MICU3: variants seen among roughly 807,000 people sequenced by gnomAD.
MICU3 encodes the protein calcium uptake protein 3, mitochondrial.
In MICU3, 62 loss-of-function variants were observed where a neutral mutation model predicts 66.5. The ratio of observed to expected loss-of-function variants is 0.93; its 90% CI spans 0.76 to 1.15. The LOEUF (loss-of-function observed/expected upper bound fraction) is 1.15, where lower values mean the gene tolerates loss of function less well. MICU3 is among the 50% of genes most tolerant of loss of function. MICU3 has a pLI of 0.00. For synonymous variants in MICU3, 308 were observed against 240.7 expected, an observed-to-expected ratio of 1.28 and a Z score of -2.59; for missense variants, 779 against 664.4, an observed-to-expected ratio of 1.17 and a Z score of -1.90.
At chr8:17,115,772 C>T (rs989470791) in intron 12 of MICU3, among the ~76,000 whole-genome samples, 3 of 152,100 alleles carry the variant, frequency 2.0e-5, no homozygotes, top group Non-Finnish European at 4.4e-5. Flanking sequence ...GTTCTGGTTC[C>T]CTGCCTCAAA....
chr8:17,123,288 A>C (rs1803307806), downstream of MICU3, among the ~76,000 whole-genome samples: 1 of 152,146 alleles, frequency 6.6e-6, no homozygotes, highest in South Asian at 2.1e-4. Flanking sequence ...AAATGGAGGA[A>C]TATACCTATA....
At chr8:17,095,956 C>T (rs1256466247) in intron 8 of MICU3, among the ~76,000 whole-genome samples, 6 of 151,980 alleles carry the variant, frequency 3.9e-5, no homozygotes, top group Non-Finnish European at 7.4e-5. Context: ...AAATGTGTCA[C>T]ACTTACAGGG....
At chr8:17,069,649 G>C (rs751369104) in intron 2 of MICU3, 39 bp from the exon 3 acceptor site, 3 of 1,278,384 alleles carry the variant, frequency 2.3e-6, no homozygotes, top group Non-Finnish European at 3.3e-6. Flanking sequence ...ATTCCATGAA[G>C]TATTTATTAT....
chr8:17,089,796 A>C (rs1316989606), intron 7 of MICU3, among the ~76,000 whole-genome samples: 2 of 152,094 alleles, frequency 1.3e-5, no homozygotes, highest in Non-Finnish European at 2.9e-5. Flanking sequence ...AAATGTAATA[A>C]ACACTCAAAA....
chr8:17,038,197 G>T (rs1445022767), intron 1 of MICU3, among the ~76,000 whole-genome samples: 1 of 152,118 alleles, frequency 6.6e-6, no homozygotes, highest in East Asian at 1.9e-4. Flanking sequence ...GGAATAATAT[G>T]GTTTGGCTGT....
intron 7 of MICU3, among the ~76,000 whole-genome samples, chr8:17,090,071 C>A (rs946157656): frequency 6.6e-6 from 1 of 151,962 alleles, no homozygotes; most frequent in Non-Finnish European, 1.5e-5. Context: ...AAGTATTATA[C>A]CTGCTTGGAG....
intron 3 of MICU3, among the ~76,000 whole-genome samples, chr8:17,073,208 G>C (rs376776751): frequency 6.6e-6 from 1 of 152,198 alleles, no homozygotes; most frequent in Admixed American, 6.5e-5. Context: ...AATGTTTTCA[G>C]ATTTGCCACA....
At chr8:17,133,017 C>T in the MICU3 span, 2 of 152,326 alleles carry the variant, frequency 1.3e-5, no homozygotes, top group East Asian at 3.9e-4. Context: ...AGAAAGCAAG[C>T]CCTCGCCAGG....
At chr8:17,085,442 A>G in intron 6 of MICU3, 124 bp downstream of exon 6, 1 of 548,316 alleles carries the variant, frequency 1.8e-6, no homozygotes, top group South Asian at 3.3e-5. Context: ...TTTTGCCTTT[A>G]CTTAATAAAG....
At chr8:17,135,477 T>C in the MICU3 span, among the ~76,000 whole-genome samples, 1 of 152,062 alleles carries the variant, frequency 6.6e-6, no homozygotes, top group African/African-American at 2.4e-5. Flanking sequence ...TGATTTTATT[T>C]GTTCAGCACT....
Position 17,027,811 on chromosome 8 carries a change from C to G in MICU3, c.381+151C>G, listed in dbSNP as rs1039093560. Reference sequence around the variant, plus strand: ...GAGGCTGACACCTAGGCCGGACAGCCTAGGATCCGGTCACCCACGTATTGG... The same window carrying G: ...GAGGCTGACACCTAGGCCGGACAGCGTAGGATCCGGTCACCCACGTATTGG... On this transcript the variant is annotated intron_variant, in intron 1 of 14. Coordinates refer to ENST00000318063, the MANE Select transcript of MICU3 (RefSeq NM_181723.3). 7.7e-6 allele frequency: 8 copies of G among 1,042,324 alleles called. No individual in the cohort carries two copies. The African/African-American group carries it at 1.3e-4, about 17-fold the overall frequency. 64.6% of individuals were successfully genotyped at this position (1,042,324 alleles called of 1,614,324 possible).
intron 1 of MICU3, among the ~76,000 whole-genome samples, chr8:17,028,126 T>C (rs58491641): frequency 0.04 from 6,107 of 152,122 alleles, 447 homozygotes; most frequent in African/African-American, 0.14. Context: ...AATTTATTAG[T>C]CCCAAGAAAG....
rs1210156287 is a variant in MICU3 at position 17,027,289 on chromosome 8, C to G, written c.10C>G (p.Leu4Val). Reference protein sequence around the residue: MAALRRLLWPPPRV... With the variant: MAAVRRLLWPPPRV... ...GTGGGCGGCCTCCGCTATGGCTGCG[C>G]TGCGAAGGCTCTTGTGGCCGCCACC... The change falls in exon 1 of 15, where the codon CTG becomes GTG. Residue 4 changes from leucine (L) to valine (V), a missense_variant. Physicochemically the swap from Leu to Val is conservative, Grantham distance 32. Transcript: ENST00000318063. 7.7e-7 allele frequency: 1 copy of G among 1,302,736 alleles called. No homozygotes were observed. Among genetic ancestry groups the G allele is most frequent in the Non-Finnish European group, 9.9e-7 (1 of 1,007,074 alleles). The allele number at this position is 1,302,736 out of a possible 1,614,324, so 80.7% of individuals were successfully genotyped here. A position where few individuals can be genotyped will look rare whatever the true frequency, so the allele number is the denominator to read the frequency against.
chr8:17,081,517 G>A (rs1585390470), intron 4 of MICU3, among the ~76,000 whole-genome samples, 176 bp from the exon 5 acceptor site: 2 of 152,000 alleles, frequency 1.3e-5, no homozygotes, highest in East Asian at 1.9e-4. Flanking sequence ...ACAAAGGCAT[G>A]TGGAACAATT....
intron 3 of MICU3, among the ~76,000 whole-genome samples, chr8:17,071,038 A>G (rs1819510015): frequency 6.6e-6 from 1 of 152,212 alleles, no homozygotes; most frequent in South Asian, 2.1e-4. Context: ...AAACTTAGGA[A>G]TTGTTTATTT....
intron 1 of MICU3, among the ~76,000 whole-genome samples, chr8:17,035,498 A>G (rs1372625182): frequency 6.6e-6 from 1 of 152,196 alleles, no homozygotes; most frequent in Non-Finnish European, 1.5e-5. Flanking sequence ...TCTAATGGAG[A>G]CGAGGAACTT....
At chr8:17,067,691 C>T (rs1469508759) in intron 2 of MICU3, among the ~76,000 whole-genome samples, 4 of 152,076 alleles carry the variant, frequency 2.6e-5, no homozygotes, top group Non-Finnish European at 5.9e-5. Context: ...CCTCCTGCCT[C>T]GGCCTCCAAA....
chr8:17,033,670 T>G (rs1812470275), intron 1 of MICU3, among the ~76,000 whole-genome samples: 2 of 152,140 alleles, frequency 1.3e-5, no homozygotes, highest in African/African-American at 4.8e-5. Flanking sequence ...ATGTCCTGAC[T>G]TCGTGATTTG....
At chr8:17,135,983 T>C in the MICU3 span, among the ~76,000 whole-genome samples, 11 of 152,214 alleles carry the variant, frequency 7.2e-5, no homozygotes, top group African/African-American at 2.6e-4. Flanking sequence ...TTGACTTCTC[T>C]ATGTTAGCTT....
Sources: gnomAD v4.1 joint callset for allele counts (sites outside exome capture counted in the v4.1 genomes callset) on GRCh38, gnomAD v4.1.1 for gene constraint, MANE v1.5 for transcripts, NCBI Gene and HGNC (gene_info 2026-07-23, HGNC 2026-07-21) for gene names.